Variants in ATP13A4 observed in about 807,000 individuals in gnomAD.
The protein encoded by ATP13A4 is probable cation-transporting ATPase 13A4.
A neutral mutation model predicts 142.5 loss-of-function variants in ATP13A4; 114 were observed. The observed-to-expected ratio is 0.80, with a 90% CI of 0.69 to 0.93. The LOEUF is 0.93. Among genes scored for constraint, ATP13A4 ranks in the 40% least tolerant of loss-of-function variants. The pLI, the probability that ATP13A4 is intolerant of heterozygous loss-of-function variation, is 0.00. For synonymous variants in ATP13A4, 488 were observed against 514.8 expected, an observed-to-expected ratio of 0.95 and a Z score of 0.70; for missense variants, 1,392 against 1,454.0, an observed-to-expected ratio of 0.96 and a Z score of 0.69.
Position 193,441,448 on chromosome 3 carries a change from C to T in ATP13A4, c.2439+18G>A, listed in dbSNP as rs1385675712. Reference sequence around the variant, plus strand: ...ATCAGCATTTTCATAGGGAGATTGTCACCCTCTTAGAACTTACCTTTGGCA... The same window carrying T: ...ATCAGCATTTTCATAGGGAGATTGTTACCCTCTTAGAACTTACCTTTGGCA... On this transcript the variant is annotated intron_variant, in intron 20 of 29. Transcript: ENST00000342695. 2 of 1,613,552 alleles carry T rather than the reference C, an allele frequency of 1.2e-6. No homozygotes were observed. The highest frequency in any genetic ancestry group is 1.7e-6 in the Non-Finnish European group (2 of 1,179,612).
At position 193,573,308 on chromosome 3, in the gene ATP13A4, C is replaced by CGTATATATATATATATTCTTTTATAT. The variant is rs1229145689; in HGVS notation, n.291+8398_291+8399insATATAAAAGAATATATATATATATAC. ...ATATATACACATATATATATATATA[C>CGTATATATATATATATTCTTTTATAT]ATATATATATATATATATAATTTGT... is the stretch of plus-strand genomic sequence containing the variant. On this transcript the variant is annotated intron_variant and non_coding_transcript_variant, in intron 2 of 3. Coordinates refer to the ATP13A4 transcript ENST00000489140. 1.7e-4 allele frequency among the ~76,000 whole-genome samples: 18 copies of CGTATATATATATATATTCTTTTATAT among 103,658 alleles called. No individual in the cohort carries two copies. The South Asian group carries it at 2.5e-3, about 15-fold the overall frequency. 68.0% of individuals were successfully genotyped at this position (103,658 alleles called of 152,430 possible). A position where few individuals can be genotyped will look rare whatever the true frequency, so the allele number is the denominator to read the frequency against.
At chr3:193,528,125 T>C (rs1044197025) in intron 1 of ATP13A4, among the ~76,000 whole-genome samples, 1 of 152,186 alleles carries the variant, frequency 6.6e-6, no homozygotes, top group African/African-American at 2.4e-5. Context: ...TTTGTGCAAA[T>C]TGGTGCATGT....
At position 193,471,094 on chromosome 3, in the gene ATP13A4, AT is replaced by A. The variant is rs11415048; in HGVS notation, c.809-102del. 9.0e-3 allele frequency: 11,719 copies of A among 1,304,878 alleles called. 7 individuals are homozygous for A. The highest frequency in any genetic ancestry group is 0.014 in the African/African-American group (952 of 67,086). The allele number at this position is 1,304,878 out of a possible 1,614,324, so 80.8% of individuals were successfully genotyped here. ...ATATCAATGAAAAAGCAACCAAGAC[AT>A]TTTTTTTTTAGAAAGGAGAACATTC... On this transcript the variant is annotated intron_variant, in intron 8 of 29. Coordinates refer to ENST00000342695, the MANE Select transcript of ATP13A4 (RefSeq NM_032279.4).
intron 1 of ATP13A4, among the ~76,000 whole-genome samples, chr3:193,587,942 T>C (rs1724697577): frequency 6.6e-6 from 1 of 151,638 alleles, no homozygotes; most frequent in Non-Finnish European, 1.5e-5. Flanking sequence ...CTGGGCAACA[T>C]AGGAGACCCA....
At chr3:193,530,617 C>T (rs1425562304) in intron 1 of ATP13A4, among the ~76,000 whole-genome samples, 1 of 152,170 alleles carries the variant, frequency 6.6e-6, no homozygotes, top group Non-Finnish European at 1.5e-5. Flanking sequence ...ACTGCAAGAG[C>T]CAATGGGTTC....
intron 1 of ATP13A4, among the ~76,000 whole-genome samples, chr3:193,517,703 C>T (rs1459256526): frequency 1.4e-5 from 2 of 146,600 alleles, no homozygotes; most frequent in African/African-American, 2.5e-5. Flanking sequence ...CCAGGATGGT[C>T]TCATCTCCTG....
intron 2 of ATP13A4, among the ~76,000 whole-genome samples, chr3:193,507,248 T>C (rs1205480719): frequency 2.0e-5 from 3 of 152,334 alleles, no homozygotes; most frequent in Middle Eastern, 3.4e-3. Context: ...AATGTAATAA[T>C]AAATTTCTCA....
intron 1 of ATP13A4, among the ~76,000 whole-genome samples, chr3:193,585,126 T>C (rs979440767): frequency 6.6e-6 from 1 of 152,162 alleles, no homozygotes; most frequent in African/African-American, 2.4e-5. Flanking sequence ...CTTAAAACAT[T>C]ATCAGTTTTG....
At chr3:193,542,400 A>T (rs182677928) in intron 1 of ATP13A4, among the ~76,000 whole-genome samples, 2 of 152,296 alleles carry the variant, frequency 1.3e-5, no homozygotes, top group Admixed American at 1.3e-4. Flanking sequence ...ACACTGCCCA[A>T]AGTAATTTAT....
intron 25 of ATP13A4, among the ~76,000 whole-genome samples, chr3:193,431,542 A>G (rs1177989307): frequency 6.6e-6 from 1 of 151,958 alleles, no homozygotes; most frequent in East Asian, 1.9e-4. Flanking sequence ...GAGAACAAGT[A>G]TATTTGCAAA....
Position 193,467,469 on chromosome 3 carries a change from T to C in ATP13A4, c.961A>G (p.Thr321Ala), listed in dbSNP as rs1003006712. ...TCCATCTTGGGTAACGGAGTTTTGG[T>C]GACTGGAATACTTTCTCCTACAGAA... ...GMLTGESIPVTKTPLPKMDSS... is the reference protein window; with the variant it reads ...GMLTGESIPVAKTPLPKMDSS... The change falls in exon 10 of 30, where the codon ACC becomes GCC. Residue 321 changes from threonine (T) to alanine (A), a missense_variant. By Grantham distance (58) the Thr-to-Ala change is moderately conservative. Coordinates refer to ENST00000342695, the MANE Select transcript of ATP13A4 (RefSeq NM_032279.4). The C allele has an allele frequency of 2.5e-6, 4 of 1,613,506 alleles. No individual in the cohort carries two copies. The highest frequency in any genetic ancestry group is 2.7e-5 in the African/African-American group (2 of 74,908).
At chr3:193,487,168 G>A (rs1719677642) in intron 7 of ATP13A4, among the ~76,000 whole-genome samples, 1 of 152,154 alleles carries the variant, frequency 6.6e-6, no homozygotes, top group African/African-American at 2.4e-5. Context: ...AGGGAAAAGA[G>A]TGCTTCAGAA....
At chr3:193,538,839 A>C (rs2108712019) in intron 1 of ATP13A4, among the ~76,000 whole-genome samples, 1 of 151,882 alleles carries the variant, frequency 6.6e-6, no homozygotes, top group South Asian at 2.1e-4. Flanking sequence ...AGGAGGCAGA[A>C]GCAATATGCA....
Position 193,412,506 on chromosome 3 carries a change from A to AACACAC in ATP13A4, c.3015-141_3015-136dup, listed in dbSNP as rs58979821. The AACACAC allele has an allele frequency of 1.3e-3, 651 of 509,634 alleles. 8 individuals are homozygous for AACACAC. The highest frequency in any genetic ancestry group is 0.012 in the East Asian group (326 of 26,752). 31.6% of individuals were successfully genotyped at this position (509,634 alleles called of 1,614,324 possible). On this transcript the variant is annotated intron_variant, in intron 26 of 29. Transcript: ENST00000342695. The stretch of plus-strand genomic sequence containing the variant: ...TTCTACAATTGCCTGTGCTTTGGAA[A>AACACAC]ACACACACACACACACACACACACA...
Position 193,435,643 on chromosome 3 carries a change from C to A in ATP13A4, c.2769+5G>T. The A allele has an allele frequency of 1.2e-6, 2 of 1,611,342 alleles. No homozygotes were observed. The highest frequency in any genetic ancestry group is 2.2e-5 in the South Asian group (2 of 90,994). On this transcript the variant is annotated splice_donor_5th_base_variant and intron_variant, in intron 24 of 29. Transcript: ENST00000342695. The stretch of plus-strand genomic sequence containing the variant: ...CTAACCAAGAGGCTAAGTCCCAAGT[C>A]ATACCCAGTAGAGCAGCAGAACACC...
At position 193,465,809 on chromosome 3, in the gene ATP13A4, G is replaced by C. The variant is rs74287993; in HGVS notation, c.1272+216C>G. On this transcript the variant is annotated intron_variant, in intron 11 of 29. Coordinates refer to ENST00000342695, the MANE Select transcript of ATP13A4 (RefSeq NM_032279.4). ...AAGTACACTGATATATCAATAAACA[G>C]ATTGTTTTATCCCATTATCCCATGA... is the stretch of plus-strand genomic sequence containing the variant. Among the ~76,000 whole-genome samples, 1,173 of 152,284 alleles carry C rather than the reference G, an allele frequency of 7.7e-3. 18 individuals carry two copies. In the East Asian group the frequency reaches 0.08, roughly 10 times the overall value.
In ATP13A4 at chr3:193,424,734, A is replaced by G. The variant is rs1003128841; in HGVS notation, c.2842+9111T>C. On this transcript the variant is annotated intron_variant, in intron 25 of 29. Coordinates refer to ENST00000342695, the MANE Select transcript of ATP13A4 (RefSeq NM_032279.4). ...CTATAAAACTGCTAAACAAAAACAT[A>G]TGAAAAATGTTTCATGGTTTTGATT... Among the ~76,000 whole-genome samples, 2 of 149,768 alleles carry G rather than the reference A, an allele frequency of 1.3e-5. 1 individual carries two copies. Among genetic ancestry groups the G allele is most frequent in the African/African-American group, 4.9e-5 (2 of 40,880 alleles).
intron 25 of ATP13A4, among the ~76,000 whole-genome samples, chr3:193,428,042 C>T (rs949672191): frequency 2.0e-5 from 3 of 152,134 alleles, no homozygotes; most frequent in African/African-American, 7.2e-5. Context: ...ATCTACTCAT[C>T]TGACAAAGGG....
chr3:193,513,929 T>C (rs1405373456), intron 2 of ATP13A4, among the ~76,000 whole-genome samples: 1 of 152,204 alleles, frequency 6.6e-6, no homozygotes, highest in Non-Finnish European at 1.5e-5. Context: ...GTGAACTTAG[T>C]AGCCTATAGC....
Sources: gnomAD v4.1 joint callset for allele counts (sites outside exome capture counted in the v4.1 genomes callset) on GRCh38, gnomAD v4.1.1 for gene constraint, MANE v1.5 for transcripts, NCBI Gene and HGNC (gene_info 2026-07-23, HGNC 2026-07-21) for gene names.